The following RBFOX1 variants were observed in gnomAD, a reference collection of about 807,000 sequenced individuals.
RBFOX1 encodes RNA binding protein fox-1 homolog 1.
Under a neutral mutation model 57.7 loss-of-function variants are expected in RBFOX1, and 8 were observed. The observed-to-expected ratio is 0.14, with a 90% CI of 0.08 to 0.25. The LOEUF is 0.25. Ranked by LOEUF, RBFOX1 falls within the 10% of genes least tolerant of loss-of-function variation. RBFOX1 has a pLI of 1.00. For synonymous variants in RBFOX1, 326 were observed against 222.4 expected (o/e 1.47, Z -4.15); for missense variants, 611 against 548.5 (o/e 1.11, Z -1.14).
chr16:7,346,155 A>G (rs185156944), intron 4 of RBFOX1, among the ~76,000 whole-genome samples: 21 of 152,104 alleles, frequency 1.4e-4, no homozygotes, highest in Non-Finnish European at 2.6e-4. Context: ...AAGGACATGA[A>G]CTCATCCTTT....
At chr16:7,305,705 G>T (rs1259368365) in intron 4 of RBFOX1, among the ~76,000 whole-genome samples, 1 of 152,132 alleles carries the variant, frequency 6.6e-6, no homozygotes, top group Non-Finnish European at 1.5e-5. Context: ...TTTCTATCAA[G>T]TTGGTTGACT....
intron 3 of RBFOX1, among the ~76,000 whole-genome samples, chr16:6,988,651 C>A (rs2090813495): frequency 6.6e-6 from 1 of 151,806 alleles, no homozygotes; most frequent in South Asian, 2.1e-4. Flanking sequence ...CGGCTCACTA[C>A]AACCTCTGCC....
intron 4 of RBFOX1, among the ~76,000 whole-genome samples, chr16:7,121,583 A>G (rs1475889654): frequency 1.3e-5 from 2 of 152,074 alleles, no homozygotes; most frequent in Non-Finnish European, 2.9e-5. Flanking sequence ...AAATATATAC[A>G]TAGATTCAAA....
chr16:6,230,417 A>G (rs538245013), intron 1 of RBFOX1, among the ~76,000 whole-genome samples: 5 of 152,300 alleles, frequency 3.3e-5, no homozygotes, highest in Admixed American at 1.3e-4. Flanking sequence ...TCACGCTATT[A>G]TTCTGTGGAG....
At chr16:6,062,568 CATAT>C (rs143201301) in intron 1 of RBFOX1, among the ~76,000 whole-genome samples, 54 of 147,502 alleles carry the variant, frequency 3.7e-4, no homozygotes, top group African/African-American at 1.0e-3. Context: ...GTATATATAA[CATAT>C]ATATCTATAG....
chr16:6,855,706 A>G (rs1352623514), intron 3 of RBFOX1, among the ~76,000 whole-genome samples: 1 of 151,988 alleles, frequency 6.6e-6, no homozygotes, highest in African/African-American at 2.4e-5. Flanking sequence ...AGCGATCGAA[A>G]CCTTGATTGC....
At chr16:6,091,551 C>T (rs1387923616) in intron 1 of RBFOX1, among the ~76,000 whole-genome samples, 5 of 152,152 alleles carry the variant, frequency 3.3e-5, no homozygotes, top group Admixed American at 2.0e-4. Context: ...TTGTTGAGGC[C>T]GAGTGTCATG....
chr16:5,952,194 T>A (rs1293223951), intron 4 of RBFOX1, among the ~76,000 whole-genome samples: 1 of 151,478 alleles, frequency 6.6e-6, no homozygotes, highest in African/African-American at 2.4e-5. Flanking sequence ...TCTGTTTCCC[T>A]GGCTGGAGTG....
chr16:7,488,720 A>G (rs920024761), intron 4 of RBFOX1, among the ~76,000 whole-genome samples: 1 of 152,154 alleles, frequency 6.6e-6, no homozygotes, highest in Non-Finnish European at 1.5e-5. Context: ...CTAGCTATAC[A>G]TTCATCTATT....
intron 3 of RBFOX1, among the ~76,000 whole-genome samples, chr16:5,753,097 C>A (rs1484914711): frequency 6.6e-6 from 1 of 151,926 alleles, no homozygotes; most frequent in African/African-American, 2.4e-5. Context: ...GAGGTTGAGA[C>A]TGCAGTGAGC....
At chr16:6,980,207 C>G (rs546735440) in intron 3 of RBFOX1, among the ~76,000 whole-genome samples, 2 of 152,276 alleles carry the variant, frequency 1.3e-5, no homozygotes, top group Admixed American at 6.5e-5. Flanking sequence ...GCAATTCTAG[C>G]TGATATAACT....
At chr16:5,912,849 A>C (rs992548632) in intron 4 of RBFOX1, among the ~76,000 whole-genome samples, 3 of 152,216 alleles carry the variant, frequency 2.0e-5, no homozygotes, top group Non-Finnish European at 4.4e-5. Flanking sequence ...GAGGAAAAGT[A>C]TAACGAAGGG....
intron 1 of RBFOX1, among the ~76,000 whole-genome samples, chr16:6,082,978 C>T (rs1281265530): frequency 6.7e-6 from 1 of 148,658 alleles, no homozygotes; most frequent in African/African-American, 2.5e-5. Context: ...ACTGATCCAT[C>T]AGCAAATTTT....
At chr16:6,563,201 C>T (rs915903651) in intron 2 of RBFOX1, among the ~76,000 whole-genome samples, 1 of 152,066 alleles carries the variant, frequency 6.6e-6, no homozygotes, top group South Asian at 2.1e-4. Flanking sequence ...AGTTCTAGTC[C>T]ATGGCACTGC....
chr16:6,624,851 G>A (rs2098281126), intron 2 of RBFOX1, among the ~76,000 whole-genome samples: 1 of 152,000 alleles, frequency 6.6e-6, no homozygotes, highest in South Asian at 2.1e-4. Flanking sequence ...TGTAAGACCA[G>A]CCCTTTGTCT....
At chr16:5,980,198 C>T (rs531504634) in intron 4 of RBFOX1, among the ~76,000 whole-genome samples, 1 of 152,096 alleles carries the variant, frequency 6.6e-6, no homozygotes, top group South Asian at 2.1e-4. Flanking sequence ...TGTTAAAATG[C>T]TTTAATGTCT....
At chr16:5,496,062 G>GT (rs2042991779) in intron 2 of RBFOX1, among the ~76,000 whole-genome samples, 2 of 152,156 alleles carry the variant, frequency 1.3e-5, no homozygotes, top group Non-Finnish European at 2.9e-5. Context: ...GGAGGCAGGG[G>GT]TTGCAGTGAG....
intron 4 of RBFOX1, among the ~76,000 whole-genome samples, chr16:7,212,095 C>T (rs910070144): frequency 1.3e-5 from 2 of 152,012 alleles, no homozygotes; most frequent in African/African-American, 4.8e-5. Flanking sequence ...GGATGATCAG[C>T]GGTCAAAAGA....
In RBFOX1 at chr16:7,205,964, A is replaced by G. The variant is rs368701924; in HGVS notation, c.27+153866A>G. On this transcript the variant is annotated intron_variant, in intron 4 of 15. Transcript: ENST00000550418. ...CAGCCTGGTTTTCTCATACGATTTG[A>G]TCTACGACATGATGAGCCTATGGCC... is the stretch of plus-strand genomic sequence containing the variant. Among the ~76,000 whole-genome samples the G allele has an allele frequency of 3.0e-4, 46 of 152,350 alleles. No homozygotes were observed. In the South Asian group the frequency reaches 9.5e-3, roughly 32 times the overall value.
Sources: gnomAD v4.1 joint callset for allele counts (sites outside exome capture counted in the v4.1 genomes callset) on GRCh38, gnomAD v4.1.1 for gene constraint, MANE v1.5 for transcripts, NCBI Gene and HGNC (gene_info 2026-07-23, HGNC 2026-07-21) for gene names.